TRPC5: variants seen among roughly 807,000 people sequenced by gnomAD.
TRPC5 encodes transient receptor potential cation channel subfamily C member 5.
A neutral mutation model predicts 56.5 loss-of-function variants in TRPC5; 9 were observed. The observed-to-expected ratio is 0.16, with a 90% CI of 0.10 to 0.28. TRPC5 has a LOEUF of 0.28. Ranked by LOEUF, TRPC5 falls within the 10% of genes least tolerant of loss-of-function variation. TRPC5 has a pLI of 1.00. For missense variants in TRPC5, 469 were observed against 748.9 expected, an observed-to-expected ratio of 0.63 and a Z score of 4.36; for synonymous variants, 282 against 278.5, an observed-to-expected ratio of 1.01 and a Z score of -0.13.
intron 2 of TRPC5, among the ~76,000 whole-genome samples, chrX:111,921,553 A>G (rs1926127805): frequency 9.0e-6 from 1 of 111,078 alleles, no homozygotes; most frequent in Admixed American, 9.6e-5. Flanking sequence ...CTTCTCTTTA[A>G]ACTCCAAAAT....
At chrX:111,920,247 C>T (rs956011061) in intron 2 of TRPC5, among the ~76,000 whole-genome samples, 20 of 110,832 alleles carry the variant, frequency 1.8e-4, no homozygotes, top group African/African-American at 6.6e-4. Flanking sequence ...TACACTCCAG[C>T]CTGGGTGACA....
intron 7 of TRPC5, among the ~76,000 whole-genome samples, chrX:111,826,158 C>T (rs1460071796): frequency 8.9e-6 from 1 of 112,081 alleles, no homozygotes; most frequent in African/African-American, 3.2e-5. Flanking sequence ...TACTCTTGAG[C>T]CAATGCTGTC....
At chrX:111,896,976 G>T (rs766145466) in intron 3 of TRPC5, among the ~76,000 whole-genome samples, 2 of 112,049 alleles carry the variant, frequency 1.8e-5, no homozygotes, top group South Asian at 7.4e-4. Flanking sequence ...AATCCAAAAC[G>T]TTTTGAGCAC....
At chrX:111,886,856 G>A (rs1387895234) in intron 3 of TRPC5, among the ~76,000 whole-genome samples, 1 of 112,689 alleles carries the variant, frequency 8.9e-6, no homozygotes, top group Non-Finnish European at 1.9e-5. Context: ...AAATATAGCT[G>A]CATCTTCCAC....
chrX:111,852,415 C>T lies in TRPC5; in HGVS notation c.1260G>A (p.Lys420=). ...WVLGFIWGEI[K]EMWDGGFTEY... ...CAGTAAATCCACCATCCCACATTTC[C>T]TTAATCTCACCCCAAATGAAACCTG... The change falls in exon 5 of 11, where the codon AAG becomes AAA. Residue 420 remains lysine (K), a synonymous_variant. Transcript: ENST00000262839. 8.3e-7 allele frequency: 1 copy of T among 1,208,854 alleles called. No individual in the cohort carries two copies. The highest frequency in any genetic ancestry group is 1.1e-6 in the Non-Finnish European group (1 of 894,290).
chrX:111,876,977 C>T (rs901042531), intron 3 of TRPC5, among the ~76,000 whole-genome samples: 14 of 111,520 alleles, frequency 1.3e-4, no homozygotes, highest in African/African-American at 4.6e-4. Context: ...ATGCTGTTCT[C>T]GGAGTTCATT....
chrX:112,080,613 G>T lies in TRPC5; in HGVS notation c.-22+1266C>A, dbSNP rs1479313653. Among the ~76,000 whole-genome samples, 3 of 111,705 alleles carry T rather than the reference G, an allele frequency of 2.7e-5. No individual in the cohort carries two copies. The East Asian group carries it at 8.4e-4, about 31-fold the overall frequency. On this transcript the variant is annotated intron_variant, in intron 1 of 10. Coordinates refer to ENST00000262839, the MANE Select transcript of TRPC5 (RefSeq NM_012471.3). ...TTATCCCAGACTATATATTTGCTTT[G>T]AAACGAACTTCGTACTATGTAAATA...
At chrX:111,944,303 T>TGTGTGTGAAAGAGAGAGA (rs1173179815) in intron 2 of TRPC5, among the ~76,000 whole-genome samples, 4 of 61,374 alleles carry the variant, frequency 6.5e-5, no homozygotes, top group African/African-American at 3.2e-4. Context: ...TGTGTGTGTG[T>TGTGTGTGAAAGAGAGAGA]GAGAGAGAGA....
chrX:111,927,788 C>T (rs1926299298), intron 2 of TRPC5, among the ~76,000 whole-genome samples: 1 of 108,760 alleles, frequency 9.2e-6, no homozygotes, highest in East Asian at 2.8e-4. Context: ...GGCAAACCTA[C>T]AATGACTACT....
intron 2 of TRPC5, among the ~76,000 whole-genome samples, chrX:111,930,276 C>T (rs185308543): frequency 0.027 from 2,984 of 110,646 alleles, 45 homozygotes; most frequent in Non-Finnish European, 0.043. Context: ...GAAGAAACCC[C>T]GTCTCTACTT....
chrX:111,810,362 T>C (rs747653312), intron 7 of TRPC5, among the ~76,000 whole-genome samples: 4 of 111,256 alleles, frequency 3.6e-5, no homozygotes, highest in Admixed American at 9.6e-5. Context: ...TTCCCAGAAA[T>C]TGAGAAACTG....
intron 1 of TRPC5, among the ~76,000 whole-genome samples, chrX:111,966,629 C>A (rs1415650724): frequency 8.9e-6 from 1 of 111,894 alleles, no homozygotes; most frequent in African/African-American, 3.2e-5. Flanking sequence ...AGCTTATCCA[C>A]CATGATCAAG....
At chrX:111,838,822 T>C (rs1922643485) in intron 6 of TRPC5, among the ~76,000 whole-genome samples, 1 of 111,719 alleles carries the variant, frequency 9.0e-6, no homozygotes. Flanking sequence ...AACTCAGTCC[T>C]CTGAATATTT....
chrX:112,072,080 G>GT (rs1442528143), intron 1 of TRPC5, among the ~76,000 whole-genome samples: 11 of 112,024 alleles, frequency 9.8e-5, no homozygotes, highest in African/African-American at 3.6e-4. Flanking sequence ...CTCTGCTAGA[G>GT]TAAGTGACTC....
At chrX:112,020,079 G>C (rs1233730077) in intron 1 of TRPC5, among the ~76,000 whole-genome samples, 1 of 111,597 alleles carries the variant, frequency 9.0e-6, no homozygotes, top group African/African-American at 3.3e-5. Context: ...TCTCTTTTGA[G>C]ACAGGGTCTC....
chrX:111,820,507 T>A (rs1468725459), intron 7 of TRPC5, among the ~76,000 whole-genome samples: 1 of 112,390 alleles, frequency 8.9e-6, no homozygotes, highest in Non-Finnish European at 1.9e-5. Flanking sequence ...TTTTTGACAC[T>A]TGAAATTATA....
At chrX:111,956,728 C>T in intron 1 of TRPC5, among the ~76,000 whole-genome samples, 1 of 111,384 alleles carries the variant, frequency 9.0e-6, no homozygotes, top group Non-Finnish European at 1.9e-5. Context: ...AGGTCCAGAT[C>T]TTGAACCTCC....
intron 1 of TRPC5, among the ~76,000 whole-genome samples, chrX:112,067,975 T>A (rs1318390774): frequency 8.9e-6 from 1 of 112,527 alleles, no homozygotes; most frequent in Non-Finnish European, 1.9e-5. Flanking sequence ...AACTATCTGG[T>A]AAGGTAGATG....
chrX:111,794,415 G>C lies in TRPC5; in HGVS notation c.1897-12277C>G, dbSNP rs184588537. Reference sequence around the variant, plus strand: ...CACTTTAATTTTCTTTGTCAAGATTGTTAATATATTTATTCTGTTAAGTCT... The same window carrying C: ...CACTTTAATTTTCTTTGTCAAGATTCTTAATATATTTATTCTGTTAAGTCT... On this transcript the variant is annotated intron_variant, in intron 7 of 10. Coordinates refer to ENST00000262839, the MANE Select transcript of TRPC5 (RefSeq NM_012471.3). Among the ~76,000 whole-genome samples the C allele has an allele frequency of 7.2e-5, 8 of 111,375 alleles. No individual in the cohort carries two copies. In the East Asian group the frequency reaches 2.3e-3, roughly 32 times the overall value.
Sources: gnomAD v4.1 joint callset for allele counts (sites outside exome capture counted in the v4.1 genomes callset) on GRCh38, gnomAD v4.1.1 for gene constraint, MANE v1.5 for transcripts, NCBI Gene and HGNC (gene_info 2026-07-23, HGNC 2026-07-21) for gene names.